Variants in INPP5B observed in about 807,000 individuals in gnomAD.
INPP5B encodes inositol polyphosphate-5-phosphatase B.
Under a neutral mutation model 118.5 loss-of-function variants are expected in INPP5B, and 90 were observed. The ratio of observed to expected loss-of-function variants is 0.76; its 90% CI spans 0.64 to 0.90. The LOEUF (loss-of-function observed/expected upper bound fraction) is 0.90, where lower values mean the gene tolerates loss of function less well. INPP5B is among the 40% of genes least tolerant of loss of function. The pLI is 0.00. For synonymous variants in INPP5B, 385 were observed against 418.9 expected (o/e 0.92, Z 0.99); for missense variants, 984 against 1,125.6 (o/e 0.87, Z 1.80).
chr1:37,931,954 G>C lies in INPP5B; in HGVS notation c.491C>G (p.Ser164Trp), dbSNP rs751452047. The change falls in exon 7 of 24, where the codon TCG becomes TGG. Residue 164 changes from serine (S) to tryptophan (W), a missense_variant. Ser to Trp is a radical substitution (Grantham distance 177). Coordinates refer to ENST00000373024, the MANE Select transcript of INPP5B (RefSeq NM_005540.3). ...LEMPTPRGCN[S>W]ALVTWPGYAT... The stretch of plus-strand genomic sequence containing the variant: ...GTACCCTGGCCAGGTAACTAGGGCC[G>C]AGTTACAACCGCGCGGCGTTGGCAT... The C allele has an allele frequency of 3.7e-6, 6 of 1,614,026 alleles. No homozygotes were observed. Among genetic ancestry groups the C allele is most frequent in the Non-Finnish European group, 4.2e-6 (5 of 1,180,010 alleles).
At chr1:37,920,753 G>A (rs1390998222) in intron 7 of INPP5B, among the ~76,000 whole-genome samples, 1 of 151,750 alleles carries the variant, frequency 6.6e-6, no homozygotes, top group Non-Finnish European at 1.5e-5. Context: ...CCAATGACCA[G>A]ATGAGTGATC....
At chr1:37,897,752 T>A (rs1644176315) in intron 7 of INPP5B, among the ~76,000 whole-genome samples, 1 of 151,350 alleles carries the variant, frequency 6.6e-6, no homozygotes, top group East Asian at 1.9e-4. Context: ...ATAATAATAA[T>A]AATAAAATAA....
At chr1:37,937,972 CAAA>C (rs916186225) in intron 6 of INPP5B, among the ~76,000 whole-genome samples, 1 of 57,646 alleles carries the variant, frequency 1.7e-5, no homozygotes, top group Admixed American at 2.1e-4. Flanking sequence ...AAGTTGGTCT[CAAA>C]AAAAAAAAAA....
chr1:37,895,450 C>G (rs1178895574), intron 7 of INPP5B, among the ~76,000 whole-genome samples: 1 of 152,018 alleles, frequency 6.6e-6, no homozygotes, highest in Non-Finnish European at 1.5e-5. Context: ...ACAATAGAGA[C>G]CCCTATCTCT....
chr1:37,908,092 C>T (rs1015770475), intron 7 of INPP5B, among the ~76,000 whole-genome samples: 2 of 152,146 alleles, frequency 1.3e-5, no homozygotes, highest in African/African-American at 2.4e-5. Flanking sequence ...TCCCACCAAC[C>T]TTTGCTGACT....
intron 19 of INPP5B, among the ~76,000 whole-genome samples, chr1:37,870,970 C>G (rs1642379885): frequency 6.6e-6 from 1 of 152,012 alleles, no homozygotes; most frequent in Admixed American, 6.6e-5. Flanking sequence ...GCCTGGCCAA[C>G]ATGGCGAAAC....
At position 37,875,619 on chromosome 1, in the gene INPP5B, A is replaced by C. The variant is rs777690297; in HGVS notation, c.1775T>G (p.Leu592Arg). 20 of 1,613,088 alleles carry C rather than the reference A, an allele frequency of 1.2e-5. No individual in the cohort carries two copies. Among genetic ancestry groups the C allele is most frequent in the Non-Finnish European group, 1.4e-5 (17 of 1,179,052 alleles). Residue 592 changes from leucine to arginine, a missense_variant, in exon 17 of 24, where the codon CTG becomes CGG. Leu to Arg is a moderately radical substitution (Grantham distance 102). Transcript: ENST00000373024. ...MENANIPSVS[L>R]SKREFCFQNV... ...TGTCCTTCCTACCTCTCGCTTGGAC[A>C]GGGACACAGAAGGAATGTTGGCATT...
At chr1:37,938,841 T>A (rs1378980833) in intron 6 of INPP5B, among the ~76,000 whole-genome samples, 2 of 152,028 alleles carry the variant, frequency 1.3e-5, no homozygotes, top group African/African-American at 4.8e-5. Flanking sequence ...TGGATCACCT[T>A]AGGCCGGGAG....
At chr1:37,929,605 G>A (rs1354193947) in intron 7 of INPP5B, 1 of 152,134 alleles carries the variant, frequency 6.6e-6, no homozygotes, top group Non-Finnish European at 1.5e-5. Context: ...CTCCTCTGAG[G>A]CCATAATAAC....
chr1:37,867,720 CTA>C (rs1334159956), intron 20 of INPP5B, among the ~76,000 whole-genome samples: 5 of 152,144 alleles, frequency 3.3e-5, no homozygotes, highest in African/African-American at 1.2e-4. Context: ...TCCCTGAAAC[CTA>C]TATAAACAGG....
chr1:37,889,833 A>G (rs1643741144), intron 8 of INPP5B, 109 bp from the exon 9 acceptor site: 4 of 677,492 alleles, frequency 5.9e-6, no homozygotes, highest in Non-Finnish European at 7.4e-6. Flanking sequence ...ACAGAAGACT[A>G]AAGGAGGCCA....
In INPP5B at chr1:37,880,084, C is replaced by G; in HGVS notation, c.1541+1G>C. The G allele has an allele frequency of 6.3e-7, 1 of 1,599,502 alleles. No individual in the cohort carries two copies. The highest frequency in any genetic ancestry group is 8.6e-7 in the Non-Finnish European group (1 of 1,168,524). Reference sequence around the variant, plus strand: ...ACCCTTTGAAGCAACCTCTGACCTACCTGGTATCCCAGTCGTCAGAGCCCG... The same window carrying G: ...ACCCTTTGAAGCAACCTCTGACCTAGCTGGTATCCCAGTCGTCAGAGCCCG... On this transcript the variant is annotated splice_donor_variant, in intron 15 of 23. Transcript: ENST00000373024. LOFTEE classifies it high-confidence loss of function.
At chr1:37,901,331 G>A (rs1644325182) in intron 7 of INPP5B, among the ~76,000 whole-genome samples, 1 of 152,086 alleles carries the variant, frequency 6.6e-6, no homozygotes, top group African/African-American at 2.4e-5. Flanking sequence ...TGCTCTTTGG[G>A]TCTCGGTTTC....
At chr1:37,908,871 C>T (rs762801373) in intron 7 of INPP5B, among the ~76,000 whole-genome samples, 3 of 152,190 alleles carry the variant, frequency 2.0e-5, no homozygotes, top group Non-Finnish European at 4.4e-5. Flanking sequence ...CATGTCTCTA[C>T]CTTTCTCTTT....
chr1:37,934,938 G>A (rs1351172378), intron 6 of INPP5B, among the ~76,000 whole-genome samples: 12 of 151,346 alleles, frequency 7.9e-5, no homozygotes, highest in Non-Finnish European at 1.5e-4. Context: ...AGTGGCTCAC[G>A]CCTGTAATCC....
At chr1:37,869,532 T>C (rs1207707639) in intron 19 of INPP5B, among the ~76,000 whole-genome samples, 1 of 152,028 alleles carries the variant, frequency 6.6e-6, no homozygotes, top group South Asian at 2.1e-4. Flanking sequence ...CCAGGCTCAG[T>C]GCAGTGGTGC....
chr1:37,904,900 G>C (rs978255961), intron 7 of INPP5B, among the ~76,000 whole-genome samples: 3 of 151,870 alleles, frequency 2.0e-5, no homozygotes, highest in African/African-American at 7.3e-5. Context: ...AATTTTAAAG[G>C]GTTATAAAAG....
chr1:37,943,369 T>C (rs1347352796), intron 5 of INPP5B, among the ~76,000 whole-genome samples: 2 of 151,924 alleles, frequency 1.3e-5, no homozygotes, highest in Non-Finnish European at 2.9e-5. Context: ...AGGAGTTGGC[T>C]AGGTGAAGAG....
intron 7 of INPP5B, among the ~76,000 whole-genome samples, chr1:37,904,842 A>G (rs984404860): frequency 4.0e-5 from 6 of 151,576 alleles, no homozygotes; most frequent in Non-Finnish European, 7.4e-5. Flanking sequence ...GTGCCACTGC[A>G]CTCCTGCCTG....
Sources: allele counts gnomAD v4.1 joint callset (sites outside exome capture counted in the v4.1 genomes callset), GRCh38; gene constraint gnomAD v4.1.1; transcripts MANE v1.5; gene names NCBI Gene and HGNC (gene_info 2026-07-23, HGNC 2026-07-21).